Variants in ZNF91 observed in about 807,000 individuals in gnomAD.
ZNF91 encodes the protein zinc finger protein 91 (HPF7, HTF10).
A neutral mutation model predicts 12.6 loss-of-function variants in ZNF91; 7 were observed. That is an observed-to-expected ratio of 0.55 (90% CI 0.31 to 1.04). The LOEUF is 1.04. Among genes scored for constraint, ZNF91 ranks in the 50% least tolerant of loss-of-function variants. The pLI, the probability that ZNF91 is intolerant of heterozygous loss-of-function variation, is 0.05. For missense variants in ZNF91, 1,217 were observed against 1,385.4 expected (o/e 0.88, Z 1.93); for synonymous variants, 453 against 462.6 (o/e 0.98, Z 0.27).
chr19:23,306,022 C>A (rs554842142), intron 3 of ZNF91, among the ~76,000 whole-genome samples: 18 of 152,250 alleles, frequency 1.2e-4, no homozygotes, highest in Admixed American at 3.3e-4. Flanking sequence ...TTTGGAGGAA[C>A]AATTTTTGTG....
chr19:23,360,305 T>A lies in ZNF91; in HGVS notation c.2674A>T (p.Ile892Phe), dbSNP rs188927670. The change falls in exon 4 of 4, where the codon ATC (isoleucine) becomes TTC (phenylalanine). Residue 892 changes from isoleucine to phenylalanine, a missense_variant. Ile to Phe is a conservative substitution (Grantham distance 21, BLOSUM62 0). Coordinates refer to ENST00000300619, the MANE Select transcript of ZNF91 (RefSeq NM_003430.4). ...SKSEECDKAF[I>F]WSSTLTEHKR... ...TGTTCAGTAAGGGTTGAGGACCAGA[T>A]AAATGCTTTGTCACATTCTTCACTC... 1.2e-3 allele frequency: 1,868 copies of A among 1,613,920 alleles called. 3 individuals are homozygous for A. Among genetic ancestry groups the A allele is most frequent in the Non-Finnish European group, 1.4e-3 (1,708 of 1,179,878 alleles).
Position 23,360,731 on chromosome 19 carries a change from C to T in ZNF91, c.2248G>A (p.Ala750Thr), listed in dbSNP as rs552396941. The T allele has an allele frequency of 3.1e-6, 5 of 1,613,668 alleles. No homozygotes were observed. In the South Asian group the frequency reaches 3.3e-5, roughly 11 times the overall value. ...KPYKCEECGK[A>T]FNWSSSLTKH... ...GTAAGGCTTGAGGACCAGTTAAATGCTTTGCCACATTCTTCACACTTGTAA... is the reference window on the plus strand; with the variant it reads ...GTAAGGCTTGAGGACCAGTTAAATGTTTTGCCACATTCTTCACACTTGTAA... The change falls in exon 4 of 4, where the codon GCA becomes ACA. Residue 750 changes from alanine (A) to threonine (T), a missense_variant. Around this residue, in one of 2 missense-constraint regions of ZNF91, gnomAD observed 726 missense variants for 895.5 expected, o/e 0.81. Transcript: ENST00000300619.
chr19:23,367,860 G>T (rs1969076182), intron 3 of ZNF91, among the ~76,000 whole-genome samples: 1 of 152,122 alleles, frequency 6.6e-6, no homozygotes, highest in Non-Finnish European at 1.5e-5. Context: ...TAAACCATAT[G>T]TGAAAATCTT....
At chr19:23,380,909 G>C (rs1292705854) in intron 1 of ZNF91, 1 of 152,128 alleles carries the variant, frequency 6.6e-6, no homozygotes, top group Non-Finnish European at 1.5e-5. Flanking sequence ...TAATATAATG[G>C]AATATATGTG....
At chr19:23,342,206 TC>T in intron 3 of ZNF91, 1 of 561,868 alleles carries the variant, frequency 1.8e-6, no homozygotes, top group Non-Finnish European at 3.3e-6. Flanking sequence ...CTCTTCACAT[TC>T]CAGGGCTCTT....
intron 1 of ZNF91, among the ~76,000 whole-genome samples, chr19:23,386,074 A>G (rs1299073030): frequency 1.3e-5 from 2 of 152,182 alleles, no homozygotes; most frequent in Non-Finnish European, 2.9e-5. Flanking sequence ...CAATTGCTGC[A>G]AAAATAATAA....
chr19:23,305,514 C>T (rs569987017), intron 3 of ZNF91, among the ~76,000 whole-genome samples: 42 of 152,310 alleles, frequency 2.8e-4, no homozygotes, highest in African/African-American at 9.9e-4. Flanking sequence ...ATTAGGTCAG[C>T]ACTTTTGATT....
At chr19:23,332,225 T>G (rs1000960189) in intron 1 of ZNF91, among the ~76,000 whole-genome samples, 28 of 152,328 alleles carry the variant, frequency 1.8e-4, no homozygotes, top group Admixed American at 1.7e-3. Flanking sequence ...AAGTTGAACT[T>G]TAATTTTCAC....
chr19:23,332,187 G>C (rs1317709975), intron 1 of ZNF91, among the ~76,000 whole-genome samples: 1 of 152,144 alleles, frequency 6.6e-6, no homozygotes, highest in Non-Finnish European at 1.5e-5. Flanking sequence ...TTAATCGATA[G>C]GAATCCAGTC....
intron 3 of ZNF91, among the ~76,000 whole-genome samples, chr19:23,364,482 A>G (rs1007281896): frequency 1.3e-5 from 2 of 152,222 alleles, no homozygotes; most frequent in African/African-American, 4.8e-5. Flanking sequence ...ATATGTATTA[A>G]GATTTAGCTT....
At chr19:23,329,532 CG>C (rs1390280907) in intron 1 of ZNF91, among the ~76,000 whole-genome samples, 2 of 152,164 alleles carry the variant, frequency 1.3e-5, no homozygotes, top group African/African-American at 4.8e-5. Context: ...ATGTAGTAAA[CG>C]GAAGTTGCTG....
Position 23,395,429 on chromosome 19 carries a change from G to A in ZNF91, c.-75C>T. 3 of 1,569,002 alleles carry A rather than the reference G, an allele frequency of 1.9e-6. No homozygotes were observed. Among genetic ancestry groups the A allele is most frequent in the South Asian group, 1.1e-5 (1 of 88,692 alleles). On this transcript the variant is annotated 5_prime_UTR_variant, in exon 1 of 4. Coordinates refer to ENST00000300619, the MANE Select transcript of ZNF91 (RefSeq NM_003430.4). The stretch of plus-strand genomic sequence containing the variant: ...GGCCTCCTGGAGCAGAGGACACAGA[G>A]CAGTGAAGTCGAGACCTGGAAACTC...
chr19:23,377,719 A>C (rs1969552887), intron 1 of ZNF91, among the ~76,000 whole-genome samples: 1 of 152,226 alleles, frequency 6.6e-6, no homozygotes, highest in Non-Finnish European at 1.5e-5. Context: ...AAGTTCACAA[A>C]GAAAACAGAA....
Position 23,359,977 on chromosome 19 carries a change from T to C in ZNF91, c.3002A>G (p.Lys1001Arg), listed in dbSNP as rs1255628179. 2 of 1,613,438 alleles carry C rather than the reference T, an allele frequency of 1.2e-6. No individual in the cohort carries two copies. Among genetic ancestry groups the C allele is most frequent in the African/African-American group, 2.7e-5 (2 of 74,928 alleles). ...EKPYKCEECG[K>R]AFSQSSTLTR... Reference sequence around the variant, plus strand: ...TAGGGTTGAGGATTGGCTAAATGCTTTGCCACATTCTTCACATTTGTAGGG... The same window carrying C: ...TAGGGTTGAGGATTGGCTAAATGCTCTGCCACATTCTTCACATTTGTAGGG... Residue 1001 changes from lysine (K) to arginine (R), a missense_variant, in exon 4 of 4, where the codon AAA becomes AGA. Physicochemically the swap from Lys to Arg is conservative, Grantham distance 26. This residue lies in a region of ZNF91 where 491 missense variants were observed against 489.8 expected (regional missense o/e 1.00). Coordinates refer to ENST00000300619, the MANE Select transcript of ZNF91 (RefSeq NM_003430.4).
At chr19:23,387,028 A>G (rs1969895330) in intron 1 of ZNF91, among the ~76,000 whole-genome samples, 2 of 152,332 alleles carry the variant, frequency 1.3e-5, no homozygotes, top group East Asian at 1.9e-4. Context: ...GAAGACAAAC[A>G]TTTGGCTAAC....
intron 3 of ZNF91, among the ~76,000 whole-genome samples, chr19:23,365,053 G>A (rs1290667144): frequency 6.6e-6 from 1 of 151,386 alleles, no homozygotes; most frequent in Non-Finnish European, 1.5e-5. Flanking sequence ...AACTTTATTA[G>A]GCACCATCAA....
At chr19:23,318,951 T>C (rs1276666513) in intron 1 of ZNF91, among the ~76,000 whole-genome samples, 1 of 152,210 alleles carries the variant, frequency 6.6e-6, no homozygotes, top group African/African-American at 2.4e-5. Context: ...CTCTGATCAC[T>C]GTTGTAATTT....
downstream of ZNF91, among the ~76,000 whole-genome samples, chr19:23,335,393 C>G (rs971082735): frequency 1.2e-4 from 19 of 152,324 alleles, no homozygotes; most frequent in African/African-American, 4.6e-4. Flanking sequence ...TTTCTGCTAC[C>G]TTTTCTTCAG....
At chr19:23,321,439 A>G (rs3925686) in intron 1 of ZNF91, among the ~76,000 whole-genome samples, 19,338 of 151,848 alleles carry the variant, frequency 0.13, 1,983 homozygotes, top group East Asian at 0.43. Flanking sequence ...TAAAAAGGGG[A>G]TTGTGATATC....
Sources: gnomAD v4.1 joint callset for allele counts (sites outside exome capture counted in the v4.1 genomes callset) on GRCh38, gnomAD v4.1.1 for gene constraint, gnomAD v4.1.1 regional missense constraint, MANE v1.5 for transcripts, NCBI Gene and HGNC (gene_info 2026-07-23, HGNC 2026-07-21) for gene names.